Variants in EXOC2 observed in about 807,000 individuals in gnomAD.
EXOC2 encodes the protein SEC5-like 1.
EXOC2 carries 70 observed loss-of-function variants against 131.8 expected under a neutral mutation model. The observed-to-expected ratio is 0.53, with a 90% CI of 0.44 to 0.65. The LOEUF is 0.65. Ranked by LOEUF, EXOC2 falls within the 30% of genes least tolerant of loss-of-function variation. EXOC2 has a pLI of 0.00. For missense variants in EXOC2, 923 were observed against 1,108.6 expected (o/e 0.83, Z 2.38); for synonymous variants, 411 against 398.4 (o/e 1.03, Z -0.38).
intron 25 of EXOC2, among the ~76,000 whole-genome samples, chr6:491,889 G>C (rs1763455116): frequency 6.6e-6 from 1 of 152,062 alleles, no homozygotes; most frequent in Admixed American, 6.5e-5. Flanking sequence ...ATTCAACAAG[G>C]GTGCCAAGAC....
intron 1 of EXOC2, among the ~76,000 whole-genome samples, chr6:665,823 G>A (rs1015869109): frequency 9.2e-5 from 14 of 152,128 alleles, no homozygotes; most frequent in Non-Finnish European, 1.9e-4. Context: ...ACAGGATGTG[G>A]TGCAGTGTAC....
intron 23 of EXOC2, among the ~76,000 whole-genome samples, chr6:508,488 T>C (rs1764685704): frequency 6.6e-6 from 1 of 152,234 alleles, no homozygotes; most frequent in Admixed American, 6.5e-5. Context: ...CTGATCTTTT[T>C]AATCTCTCCA....
At chr6:500,066 TGTAAAACATATACG>T (rs1298398700) in intron 23 of EXOC2, among the ~76,000 whole-genome samples, 1 of 151,804 alleles carries the variant, frequency 6.6e-6, no homozygotes, top group Admixed American at 6.6e-5. Flanking sequence ...ATATACACAC[TGTAAAACATATACG>T]GTAAAACATA....
intron 22 of EXOC2, among the ~76,000 whole-genome samples, chr6:545,930 G>A (rs1756827152): frequency 1.3e-5 from 2 of 152,102 alleles, no homozygotes; most frequent in South Asian, 4.1e-4. Context: ...ACTCATGATA[G>A]AATATATTCA....
At chr6:656,698 T>C in intron 1 of EXOC2, 1 of 1,605,924 alleles carries the variant, frequency 6.2e-7, no homozygotes, top group Non-Finnish European at 8.5e-7. Flanking sequence ...TGCTCCGCCG[T>C]CAGCTCCAGG....
chr6:533,481 G>A (rs1384932327), intron 22 of EXOC2, among the ~76,000 whole-genome samples: 3 of 152,016 alleles, frequency 2.0e-5, no homozygotes, highest in Non-Finnish European at 4.4e-5. Context: ...TCAGGCCTTC[G>A]AGTCTAAGGC....
intron 1 of EXOC2, among the ~76,000 whole-genome samples, chr6:648,928 C>T (rs188921563): frequency 6.6e-6 from 1 of 151,904 alleles, no homozygotes; most frequent in Admixed American, 6.6e-5. Flanking sequence ...CAGGGTCTTG[C>T]TCTTGAACTC....
chr6:520,698 G>A lies in EXOC2; in HGVS notation c.2380+11771C>T, dbSNP rs1372565537. Among the ~76,000 whole-genome samples, 3 of 120,430 alleles carry A rather than the reference G, an allele frequency of 2.5e-5. 1 individual carries two copies. The highest frequency in any genetic ancestry group is 1.1e-4 in the African/African-American group (3 of 28,488). 79.0% of individuals were successfully genotyped at this position (120,430 alleles called of 152,430 possible). A position where few individuals can be genotyped will look rare whatever the true frequency, so the allele number is the denominator to read the frequency against. On this transcript the variant is annotated intron_variant, in intron 23 of 27. Transcript: ENST00000230449. The stretch of plus-strand genomic sequence containing the variant: ...CACCCACCGAGCGCCGACACTCGCC[G>A]TCCACACTCGGAGACGAAAACAACC...
At chr6:691,606 T>C (rs1255691935) in intron 1 of EXOC2, among the ~76,000 whole-genome samples, 2 of 152,262 alleles carry the variant, frequency 1.3e-5, no homozygotes, top group African/African-American at 4.8e-5. Flanking sequence ...GTCAACTGTT[T>C]ATGTATCAGT....
chr6:579,396 C>T (rs1434787971), intron 11 of EXOC2, among the ~76,000 whole-genome samples: 5 of 152,070 alleles, frequency 3.3e-5, no homozygotes, highest in Non-Finnish European at 5.9e-5. Context: ...CAAAGGTAAC[C>T]GTGAACAAAT....
intron 25 of EXOC2, 74 bp from the exon 26 acceptor site, chr6:491,260 G>A: frequency 6.7e-7 from 1 of 1,490,172 alleles, no homozygotes. Flanking sequence ...CTAAGGTTAA[G>A]GGTCTCCAGC....
At chr6:676,372 A>G (rs375567213) in intron 1 of EXOC2, among the ~76,000 whole-genome samples, 16 of 1,056 alleles carry the variant, frequency 0.015, no homozygotes, top group African/African-American at 0.056. Context: ...ATACTCTTCA[A>G]CATTACGGAA....
intron 11 of EXOC2, among the ~76,000 whole-genome samples, chr6:588,395 C>T (rs1265119173): frequency 6.6e-6 from 1 of 152,192 alleles, no homozygotes; most frequent in Non-Finnish European, 1.5e-5. Flanking sequence ...CTCTGTTGCC[C>T]AGGCTGGAGT....
At chr6:516,058 T>C (rs1389690414) in intron 23 of EXOC2, among the ~76,000 whole-genome samples, 1 of 152,074 alleles carries the variant, frequency 6.6e-6, no homozygotes, top group Non-Finnish European at 1.5e-5. Flanking sequence ...AAGCAGAACG[T>C]TTTTCAGTTT....
intron 24 of EXOC2, 39 bp downstream of exon 24, chr6:499,606 G>A: frequency 6.6e-7 from 1 of 1,525,376 alleles, no homozygotes. Context: ...CTTTTTTTTG[G>A]TTATCCATAT....
At chr6:545,808 C>T (rs1360626170) in intron 22 of EXOC2, among the ~76,000 whole-genome samples, 5 of 152,096 alleles carry the variant, frequency 3.3e-5, no homozygotes, top group African/African-American at 4.8e-5. Flanking sequence ...TAAAAATAAC[C>T]TTAAGGTTAC....
intron 1 of EXOC2, chr6:657,073 C>A: frequency 1.3e-6 from 1 of 766,068 alleles, no homozygotes; most frequent in South Asian, 2.6e-5. Flanking sequence ...GGCAGGCACT[C>A]GGGTTCCCGG....
At chr6:678,211 A>C (rs1764241191) in intron 1 of EXOC2, among the ~76,000 whole-genome samples, 1 of 152,194 alleles carries the variant, frequency 6.6e-6, no homozygotes, top group African/African-American at 2.4e-5. Context: ...AGCCATGGAG[A>C]GGGAGAAAAG....
intron 13 of EXOC2, among the ~76,000 whole-genome samples, chr6:569,567 C>T (rs188809857): frequency 2.6e-5 from 4 of 152,348 alleles, no homozygotes; most frequent in African/African-American, 9.6e-5. Context: ...GAACTCTTCC[C>T]AGAATTCAAT....
Sources: allele counts gnomAD v4.1 joint callset (sites outside exome capture counted in the v4.1 genomes callset), GRCh38; gene constraint gnomAD v4.1.1; transcripts MANE v1.5; gene names NCBI Gene and HGNC (gene_info 2026-07-23, HGNC 2026-07-21).